The following ARHGAP21 variants were observed in gnomAD, a reference collection of about 807,000 sequenced individuals.
The protein encoded by ARHGAP21 is rho GTPase-activating protein 21.
A neutral mutation model predicts 164.6 loss-of-function variants in ARHGAP21; 38 were observed. That is an observed-to-expected ratio of 0.23 (90% confidence interval 0.18 to 0.30). ARHGAP21 has a LOEUF of 0.30. Ranked by LOEUF, ARHGAP21 falls within the 10% of genes least tolerant of loss-of-function variation. The pLI is 1.00. For missense variants in ARHGAP21, 1,822 were observed against 2,370.7 expected (o/e 0.77, Z 4.81); for synonymous variants, 766 against 857.9 (o/e 0.89, Z 1.87).
At chr10:24,601,872 T>TC (rs2076827890) in intron 13 of ARHGAP21, 106 bp downstream of exon 13, 16 of 1,258,926 alleles carry the variant, frequency 1.3e-5, no homozygotes, top group African/African-American at 6.1e-5. Flanking sequence ...GTTTTTTTTT[T>TC]CACTCTTTAA....
At chr10:24,710,328 T>G (rs1844658425) in intron 2 of ARHGAP21, among the ~76,000 whole-genome samples, 1 of 152,200 alleles carries the variant, frequency 6.6e-6, no homozygotes, top group Non-Finnish European at 1.5e-5. Flanking sequence ...AATCTAAAGT[T>G]GTTCCCTGTG....
intron 25 of ARHGAP21, among the ~76,000 whole-genome samples, chr10:24,587,284 T>C (rs369242396): frequency 2.6e-5 from 4 of 152,218 alleles, no homozygotes; most frequent in African/African-American, 9.6e-5. Context: ...TGCATCTAGA[T>C]ATAATAGGTT....
In ARHGAP21 at chr10:24,722,111, C is replaced by T. The variant is rs1593410222; in HGVS notation, c.-212G>A. 2 of 596,104 alleles carry T rather than the reference C, an allele frequency of 3.4e-6. No individual in the cohort carries two copies. Among genetic ancestry groups the T allele is most frequent in the Non-Finnish European group, 6.0e-6 (2 of 330,806 alleles). 36.9% of individuals were successfully genotyped at this position (596,104 alleles called of 1,614,324 possible). A position where few individuals can be genotyped will look rare whatever the true frequency, so the allele number is the denominator to read the frequency against. On this transcript the variant is annotated 5_prime_UTR_variant, in exon 2 of 26. Coordinates refer to ENST00000396432, the MANE Select transcript of ARHGAP21 (RefSeq NM_020824.4). ...TTTCTCGTGACTTCAACTGACTTCGCCTTCTTCTTCCATTTCTGGAGACTT... is the reference window on the plus strand; with the variant it reads ...TTTCTCGTGACTTCAACTGACTTCGTCTTCTTCTTCCATTTCTGGAGACTT...
intron 8 of ARHGAP21, among the ~76,000 whole-genome samples, chr10:24,622,260 G>T (rs1461076270): frequency 6.6e-6 from 1 of 151,582 alleles, no homozygotes; most frequent in Admixed American, 6.6e-5. Context: ...CAGGGACTAT[G>T]TTCAGCATCT....
chr10:24,705,373 A>G (rs1382181245), intron 2 of ARHGAP21, among the ~76,000 whole-genome samples: 1 of 152,210 alleles, frequency 6.6e-6, no homozygotes, highest in Admixed American at 6.5e-5. Flanking sequence ...TGAGGGATCA[A>G]TCTTACGGTG....
chr10:24,660,077 T>A (rs1638442057), intron 4 of ARHGAP21, among the ~76,000 whole-genome samples: 1 of 152,162 alleles, frequency 6.6e-6, no homozygotes, highest in South Asian at 2.1e-4. Flanking sequence ...TCATCATTAT[T>A]CTTCCTACTT....
intron 7 of ARHGAP21, among the ~76,000 whole-genome samples, chr10:24,625,457 C>A (rs2367070): frequency 0.15 from 22,592 of 151,950 alleles, 2,135 homozygotes; most frequent in Middle Eastern, 0.32. Context: ...GCCAACCATG[C>A]CAGCATAGGG....
intron 9 of ARHGAP21, among the ~76,000 whole-genome samples, chr10:24,612,569 T>C (rs1315121384): frequency 6.6e-6 from 1 of 152,138 alleles, no homozygotes; most frequent in African/African-American, 2.4e-5. Context: ...TAAAAATAAA[T>C]TCAGGCCAGG....
chr10:24,619,420 G>A, intron 9 of ARHGAP21, 53 bp downstream of exon 9: 9 of 1,508,276 alleles, frequency 6.0e-6, no homozygotes, highest in Non-Finnish European at 7.2e-6. Flanking sequence ...TACTTTTCTG[G>A]AAAGATTTCT....
intron 9 of ARHGAP21, among the ~76,000 whole-genome samples, chr10:24,610,496 C>T (rs538549980): frequency 2.0e-5 from 3 of 151,864 alleles, no homozygotes; most frequent in Non-Finnish European, 4.4e-5. Flanking sequence ...GGCTACTGTT[C>T]CTTAACATGT....
At chr10:24,637,209 C>G (rs1242301677) in intron 4 of ARHGAP21, among the ~76,000 whole-genome samples, 1 of 152,154 alleles carries the variant, frequency 6.6e-6, no homozygotes, top group African/African-American at 2.4e-5. Flanking sequence ...TTCTCAAGCT[C>G]TGCTGTATTC....
At chr10:24,633,601 TAC>T (rs1027029712) in intron 5 of ARHGAP21, 121 bp from the exon 6 acceptor site, 21 of 533,506 alleles carry the variant, frequency 3.9e-5, no homozygotes, top group East Asian at 1.2e-4. Context: ...AATAATAAAA[TAC>T]AGAGTTGTGA....
rs1274710143 is a variant in ARHGAP21, at chr10:24,613,491, TTTAAA to T, written c.2423-5593_2423-5589del. Among the ~76,000 whole-genome samples the T allele has an allele frequency of 2.6e-5, 4 of 152,214 alleles. No individual in the cohort carries two copies. The East Asian group carries it at 7.7e-4, about 29-fold the overall frequency. On this transcript the variant is annotated intron_variant, in intron 9 of 25. Coordinates refer to ENST00000396432, the MANE Select transcript of ARHGAP21 (RefSeq NM_020824.4). The stretch of plus-strand genomic sequence containing the variant: ...TAATGGTCAGTTCTGTGAACATGGA[TTTAAA>T]TTAACATTCAGCTTCTTCAAAGTCA...
chr10:24,701,504 G>A (rs1204522530), intron 2 of ARHGAP21, among the ~76,000 whole-genome samples: 1 of 152,176 alleles, frequency 6.6e-6, no homozygotes, highest in Non-Finnish European at 1.5e-5. Flanking sequence ...CTCTGAGAAG[G>A]GAACATGTGA....
chr10:24,598,054 A>G (rs1437093542), intron 14 of ARHGAP21, 45 bp from the exon 15 acceptor site: 2 of 1,497,004 alleles, frequency 1.3e-6, no homozygotes, highest in Non-Finnish European at 1.8e-6. Context: ...AAACATAAAT[A>G]AGTGATCCTT....
chr10:24,637,779 C>G (rs1048262352), intron 4 of ARHGAP21, among the ~76,000 whole-genome samples: 6 of 151,936 alleles, frequency 3.9e-5, no homozygotes, highest in Admixed American at 3.9e-4. Flanking sequence ...TGAAAACATA[C>G]GAAGATGGAA....
intron 2 of ARHGAP21, among the ~76,000 whole-genome samples, chr10:24,715,645 T>C (rs1845300280): frequency 6.6e-6 from 1 of 152,146 alleles, no homozygotes; most frequent in Non-Finnish European, 1.5e-5. Context: ...GGAAATGAAA[T>C]AGAATTTAAG....
At chr10:24,708,227 T>A (rs1420317336) in intron 2 of ARHGAP21, among the ~76,000 whole-genome samples, 1 of 152,178 alleles carries the variant, frequency 6.6e-6, no homozygotes, top group African/African-American at 2.4e-5. Flanking sequence ...TCGGCCTCTG[T>A]CCGTCCCTTA....
Position 24,597,327 on chromosome 10 carries a change from A to T in ARHGAP21, c.3334+120T>A. ...ATGAGCCCAGACCAAGCCTACTATG[A>T]ATTTTGAGCTAGTTGACATGGGGCC... On this transcript the variant is annotated intron_variant, in intron 16 of 25. Transcript: ENST00000396432. The T allele has an allele frequency of 2.3e-6, 3 of 1,306,562 alleles. No individual in the cohort carries two copies. The South Asian group carries it at 4.7e-5, about 20-fold the overall frequency. The allele number at this position is 1,306,562 out of a possible 1,614,324, so 80.9% of individuals were successfully genotyped here.
Sources: gnomAD v4.1 joint callset for allele counts (sites outside exome capture counted in the v4.1 genomes callset) on GRCh38, gnomAD v4.1.1 for gene constraint, MANE v1.5 for transcripts, NCBI Gene and HGNC (gene_info 2026-07-23, HGNC 2026-07-21) for gene names.